Variants in CADM2 observed in about 807,000 individuals in gnomAD.
CADM2 encodes the protein immunoglobulin superfamily member 4D.
In CADM2, 12 loss-of-function variants were observed where a neutral mutation model predicts 49.8. That is an observed-to-expected ratio of 0.24 (90% CI 0.15 to 0.39). CADM2 has a LOEUF of 0.39. Among genes scored for constraint, CADM2 ranks in the 10% least tolerant of loss-of-function variants. The pLI is 1.00. For missense variants in CADM2, 378 were observed against 492.3 expected (o/e 0.77, Z 2.20); for synonymous variants, 214 against 175.4 (o/e 1.22, Z -1.74).
intron 1 of CADM2, among the ~76,000 whole-genome samples, chr3:84,994,463 C>CTTAA (rs2033069496): frequency 6.6e-6 from 1 of 152,054 alleles, no homozygotes; most frequent in South Asian, 2.1e-4. Context: ...ACACACTTAG[C>CTTAA]TTAATTTCAG....
chr3:85,003,025 G>A (rs1033191339), intron 1 of CADM2, among the ~76,000 whole-genome samples: 3 of 151,984 alleles, frequency 2.0e-5, no homozygotes, highest in Non-Finnish European at 4.4e-5. Context: ...CAAACTCCTG[G>A]CCTCAAGCAA....
intron 1 of CADM2, among the ~76,000 whole-genome samples, chr3:85,129,623 C>A (rs1275499600): frequency 1.3e-5 from 2 of 152,168 alleles, no homozygotes; most frequent in Non-Finnish European, 2.9e-5. Context: ...ACATTCTTAT[C>A]GCCTGAGGAG....
At chr3:85,902,539 T>C (rs1303690761) in intron 5 of CADM2, among the ~76,000 whole-genome samples, 5 of 151,808 alleles carry the variant, frequency 3.3e-5, no homozygotes, top group Admixed American at 3.3e-4. Context: ...TTGGTTAATT[T>C]CCATGTATGA....
intron 1 of CADM2, among the ~76,000 whole-genome samples, chr3:85,400,804 A>C (rs899773967): frequency 2.0e-5 from 3 of 152,158 alleles, no homozygotes; most frequent in Non-Finnish European, 4.4e-5. Context: ...TCCTTGGAGC[A>C]GTGAGTCCTT....
At chr3:85,526,481 C>T (rs532675843) in intron 1 of CADM2, among the ~76,000 whole-genome samples, 51 of 152,180 alleles carry the variant, frequency 3.4e-4, no homozygotes, top group Middle Eastern at 3.4e-3. Context: ...AAAACAAAAG[C>T]GTAATGCTAT....
chr3:85,805,158 A>G (rs1035656359), intron 3 of CADM2, among the ~76,000 whole-genome samples: 8 of 152,032 alleles, frequency 5.3e-5, no homozygotes, highest in African/African-American at 1.9e-4. Context: ...TATCCAGGCT[A>G]GGCTGCAACT....
intron 1 of CADM2, among the ~76,000 whole-genome samples, chr3:85,605,599 C>T (rs1238763084): frequency 6.6e-6 from 1 of 152,036 alleles, no homozygotes; most frequent in Non-Finnish European, 1.5e-5. Context: ...CCTGTGCTGC[C>T]TCCTCAAACA....
chr3:85,131,241 A>G (rs545945456), intron 1 of CADM2, among the ~76,000 whole-genome samples: 14 of 152,342 alleles, frequency 9.2e-5, no homozygotes, highest in African/African-American at 3.4e-4. Flanking sequence ...TATCATGAAG[A>G]TTTTAAGAGA....
intron 1 of CADM2, among the ~76,000 whole-genome samples, chr3:85,443,516 T>C (rs1246626581): frequency 6.6e-6 from 1 of 152,114 alleles, no homozygotes; most frequent in East Asian, 1.9e-4. Flanking sequence ...TCCATTCAGT[T>C]TTTATTCCCA....
intron 1 of CADM2, among the ~76,000 whole-genome samples, chr3:85,095,562 T>C (rs2037763873): frequency 6.6e-6 from 1 of 152,176 alleles, no homozygotes; most frequent in African/African-American, 2.4e-5. Context: ...TTGTGGGGGA[T>C]GGATAGTACT....
intron 5 of CADM2, among the ~76,000 whole-genome samples, chr3:85,898,955 A>ATATATATAT (rs1475991339): frequency 5.9e-5 from 2 of 33,914 alleles, no homozygotes; most frequent in African/African-American, 2.9e-4. Context: ...ATATATATAT[A>ATATATATAT]TTTTTTTTTT....
chr3:85,396,982 T>C (rs2034823521), intron 1 of CADM2, among the ~76,000 whole-genome samples: 1 of 152,002 alleles, frequency 6.6e-6, no homozygotes, highest in East Asian at 1.9e-4. Flanking sequence ...ACCAAGGGAA[T>C]GAGAGAAAAT....
intron 1 of CADM2, among the ~76,000 whole-genome samples, chr3:85,476,897 A>AACACACACAC (rs35319709): frequency 1.0e-4 from 15 of 146,014 alleles, no homozygotes; most frequent in African/African-American, 3.3e-4. Flanking sequence ...AAAGATTTTA[A>AACACACACAC]ACACACACAC....
chr3:85,185,539 A>T (rs2107712711), intron 1 of CADM2, among the ~76,000 whole-genome samples: 1 of 152,268 alleles, frequency 6.6e-6, no homozygotes, highest in African/African-American at 2.4e-5. Flanking sequence ...ATATAAGCTT[A>T]TTCATAGTAG....
At chr3:85,482,300 A>G (rs2039245906) in intron 1 of CADM2, among the ~76,000 whole-genome samples, 1 of 151,884 alleles carries the variant, frequency 6.6e-6, no homozygotes, top group African/African-American at 2.4e-5. Context: ...ATATTTAATA[A>G]AACAGTTTGG....
intron 1 of CADM2, among the ~76,000 whole-genome samples, chr3:85,290,371 C>T (rs566101658): frequency 5.3e-5 from 8 of 152,296 alleles, no homozygotes; most frequent in Admixed American, 1.3e-4. Flanking sequence ...GAGGGGCGCC[C>T]GCCATTGCCC....
intron 8 of CADM2, among the ~76,000 whole-genome samples, chr3:86,045,064 G>T (rs1736480610): frequency 1.3e-5 from 2 of 150,804 alleles, no homozygotes; most frequent in African/African-American, 4.9e-5. Context: ...TCGTGGGGTG[G>T]TGGGAGGGGG....
intron 1 of CADM2, among the ~76,000 whole-genome samples, chr3:85,566,379 ATTCTTTTT>A (rs1225949885): frequency 6.6e-6 from 1 of 152,108 alleles, no homozygotes; most frequent in Non-Finnish European, 1.5e-5. Flanking sequence ...TTATTATAAA[ATTCTTTTT>A]TTAAGAAGTG....
At chr3:85,912,135 C>T (rs1405648667) in intron 5 of CADM2, among the ~76,000 whole-genome samples, 3 of 151,720 alleles carry the variant, frequency 2.0e-5, no homozygotes, top group African/African-American at 4.8e-5. Context: ...TTAGTAGAGA[C>T]GGGGTTTCAC....
Sources: gnomAD v4.1 joint callset for allele counts (sites outside exome capture counted in the v4.1 genomes callset) on GRCh38, gnomAD v4.1.1 for gene constraint, MANE v1.5 for transcripts, NCBI Gene and HGNC (gene_info 2026-07-23, HGNC 2026-07-21) for gene names.